Variants in DNAH3 observed in about 807,000 individuals in gnomAD.
DNAH3 encodes dynein axonemal heavy chain 3.
Under a neutral mutation model 432.5 loss-of-function variants are expected in DNAH3, and 332 were observed. The observed-to-expected ratio is 0.77, with a 90% CI of 0.70 to 0.84. The LOEUF (loss-of-function observed/expected upper bound fraction) is 0.84, where lower values mean the gene tolerates loss of function less well. Among genes scored for constraint, DNAH3 ranks in the 40% least tolerant of loss-of-function variants. DNAH3 has a pLI of 0.00. For missense variants in DNAH3, 4,861 were observed against 5,114.0 expected (o/e 0.95, Z 1.51); for synonymous variants, 1,956 against 1,900.2 (o/e 1.03, Z -0.76).
Position 21,000,895 on chromosome 16 carries a change from C to A in DNAH3, c.6127-377G>T, listed in dbSNP as rs191551371. On this transcript the variant is annotated intron_variant, in intron 42 of 61. Coordinates refer to ENST00000261383, the Ensembl canonical transcript of DNAH3. ...ATTCCAAAGTCTACAGTCTTCACTACTGAATGGTCATATTATAAACAGTTG... is the reference window on the plus strand; with the variant it reads ...ATTCCAAAGTCTACAGTCTTCACTAATGAATGGTCATATTATAAACAGTTG... Among the ~76,000 whole-genome samples, 1,007 of 152,286 alleles carry A rather than the reference C, an allele frequency of 6.6e-3. 6 individuals carry two copies. The highest frequency in any genetic ancestry group is 0.011 in the Non-Finnish European group (729 of 68,022).
intron 59 of DNAH3, among the ~76,000 whole-genome samples, chr16:20,940,166 C>T (rs555345956): frequency 6.6e-6 from 1 of 152,274 alleles, no homozygotes; most frequent in South Asian, 2.1e-4. Flanking sequence ...TGAGTTTTCC[C>T]GTTGAATGAT....
At chr16:21,125,304 C>T (rs1329451326) in exon 9 of DNAH3, 1 of 1,613,458 alleles carries the variant, frequency 6.2e-7, no homozygotes, top group African/African-American at 1.3e-5. Flanking sequence ...CATAGTTGCT[C>T]TTGGGAGCAA....
chr16:21,071,932 C>T (rs560400710), intron 21 of DNAH3, among the ~76,000 whole-genome samples: 2 of 152,210 alleles, frequency 1.3e-5, no homozygotes, highest in African/African-American at 4.8e-5. Flanking sequence ...CCTAGACCTG[C>T]GGTTTCCACA....
chr16:21,030,571 C>T (rs2088821220), intron 37 of DNAH3, among the ~76,000 whole-genome samples: 1 of 152,144 alleles, frequency 6.6e-6, no homozygotes, highest in South Asian at 2.1e-4. Context: ...CCCACAAAAT[C>T]ATGAGGAAAA....
In DNAH3 at chr16:20,964,542, CATCCTCATGT is replaced by C. The variant is rs1432735042; in HGVS notation, c.9332_9341del (p.Tyr3111CysfsTer8). ...TGCCTAACTGCAGCGCGTTTTCCAG[CATCCTCATGT>C]AGTTGCTATCAGAGAACTTGATGAC... is the stretch of plus-strand genomic sequence containing the variant. On this transcript the variant is annotated frameshift_variant, in exon 53 of 62. Coordinates refer to ENST00000261383, the Ensembl canonical transcript of DNAH3. LOFTEE classifies it high-confidence loss of function. 3.7e-6 allele frequency: 6 copies of C among 1,614,092 alleles called. No individual in the cohort carries two copies. The South Asian group carries it at 5.5e-5, about 15-fold the overall frequency.
At chr16:21,060,132 A>C in intron 26 of DNAH3, 132 bp downstream of exon 26, 1 of 701,112 alleles carries the variant, frequency 1.4e-6, no homozygotes, top group Non-Finnish European at 2.5e-6. Context: ...AAGTGAAGGA[A>C]AGAGAGGTGC....
At chr16:21,004,499 C>T (rs1273890506) in intron 41 of DNAH3, among the ~76,000 whole-genome samples, 2 of 152,150 alleles carry the variant, frequency 1.3e-5, no homozygotes, top group Non-Finnish European at 2.9e-5. Context: ...TCCCAAGTAG[C>T]TGGGACTACA....
In DNAH3 at chr16:21,027,144, G is replaced by T; in HGVS notation, c.5440-17C>A. The T allele has an allele frequency of 6.3e-7, 1 of 1,582,462 alleles. No homozygotes were observed. The highest frequency in any genetic ancestry group is 1.1e-5 in the South Asian group (1 of 90,354). ...GAGACACAGCTAAAAGTGCAAAGCA[G>T]AGGGTAGCAGACAGGGGAAAGGCTT... On this transcript the variant is annotated splice_polypyrimidine_tract_variant and intron_variant, in intron 37 of 61. Coordinates refer to ENST00000261383, the Ensembl canonical transcript of DNAH3.
intron 1 of DNAH3, among the ~76,000 whole-genome samples, chr16:21,147,603 T>C (rs771267895): frequency 2.0e-5 from 3 of 152,204 alleles, no homozygotes; most frequent in Non-Finnish European, 4.4e-5. Context: ...AACACACACA[T>C]AAGCAACTCT....
rs562970691 is a variant in DNAH3, at chr16:21,052,400, C to T, written c.4040-532G>A. Among the ~76,000 whole-genome samples the T allele has an allele frequency of 4.6e-5, 7 of 152,356 alleles. No homozygotes were observed. The East Asian group carries it at 1.3e-3, about 29-fold the overall frequency. On this transcript the variant is annotated intron_variant, in intron 28 of 61. Transcript: ENST00000261383. The stretch of plus-strand genomic sequence containing the variant: ...CTCCCAAAGCCAGGCAGAGAATCTG[C>T]TGCACTATCTTCTCTCAGACAGCAC...
chr16:21,091,899 C>A (rs1166365296), intron 18 of DNAH3, among the ~76,000 whole-genome samples: 1 of 151,898 alleles, frequency 6.6e-6, no homozygotes, highest in South Asian at 2.1e-4. Flanking sequence ...GGGCAAAAAT[C>A]TACCAAAATA....
At chr16:20,966,972 G>A (rs2085092932) in intron 52 of DNAH3, among the ~76,000 whole-genome samples, 3 of 152,062 alleles carry the variant, frequency 2.0e-5, no homozygotes, top group Admixed American at 2.0e-4. Context: ...ATCCCATCCC[G>A]GAACAATGCT....
intron 11 of DNAH3, among the ~76,000 whole-genome samples, chr16:21,118,178 G>C (rs1037289697): frequency 1.3e-5 from 2 of 151,852 alleles, no homozygotes; most frequent in Non-Finnish European, 2.9e-5. Flanking sequence ...AGTAGAGACA[G>C]AGCTTCACCA....
chr16:21,018,151 T>A (rs2087958469), intron 41 of DNAH3, among the ~76,000 whole-genome samples: 1 of 152,220 alleles, frequency 6.6e-6, no homozygotes, highest in African/African-American at 2.4e-5. Context: ...TAAGCCCACA[T>A]TTCTAAGTTT....
At chr16:21,050,970 T>C (rs1243210316) in intron 29 of DNAH3, among the ~76,000 whole-genome samples, 2 of 152,196 alleles carry the variant, frequency 1.3e-5, no homozygotes, top group Non-Finnish European at 2.9e-5. Context: ...GATTTAGGGT[T>C]TCTTGAGGTC....
chr16:21,035,140 A>G (rs2089100627), intron 35 of DNAH3, among the ~76,000 whole-genome samples: 1 of 152,172 alleles, frequency 6.6e-6, no homozygotes, highest in Non-Finnish European at 1.5e-5. Flanking sequence ...CAGCCTGGCC[A>G]ACATGGTGAA....
intron 43 of DNAH3, 99 bp from the exon 44 acceptor site, chr16:20,997,561 C>G (rs1254812287): frequency 7.3e-7 from 1 of 1,366,898 alleles, no homozygotes; most frequent in African/African-American, 1.5e-5. Flanking sequence ...GGAATCTGTT[C>G]CCAGGTTTCC....
intron 57 of DNAH3, among the ~76,000 whole-genome samples, chr16:20,947,754 T>C (rs2084114724): frequency 6.6e-6 from 1 of 151,392 alleles, no homozygotes; most frequent in African/African-American, 2.5e-5. Context: ...CCACAGGTCA[T>C]CAATAAAAGT....
intron 19 of DNAH3, among the ~76,000 whole-genome samples, chr16:21,083,667 C>T (rs1366111890): frequency 3.3e-5 from 5 of 152,040 alleles, no homozygotes. Context: ...GAAGATCCAG[C>T]TTCTAGACTT....
Sources: allele counts gnomAD v4.1 joint callset (sites outside exome capture counted in the v4.1 genomes callset), GRCh38; gene constraint gnomAD v4.1.1; transcripts MANE v1.5; gene names NCBI Gene and HGNC (gene_info 2026-07-23, HGNC 2026-07-21).